MCF2L2: variants seen among roughly 807,000 people sequenced by gnomAD.
MCF2L2 encodes the protein MCF.2 cell line derived transforming sequence-like 2, also known as probable guanine nucleotide exchange factor MCF2L2.
A neutral mutation model predicts 150.2 loss-of-function variants in MCF2L2; 102 were observed. The observed-to-expected ratio is 0.68, with a 90% CI of 0.58 to 0.80. The LOEUF (loss-of-function observed/expected upper bound fraction) is 0.80, where lower values mean the gene tolerates loss of function less well. Among genes scored for constraint, MCF2L2 ranks in the 30% least tolerant of loss-of-function variants. The pLI, the probability that MCF2L2 is intolerant of heterozygous loss-of-function variation, is 0.00. For missense variants in MCF2L2, 1,256 were observed against 1,372.8 expected (o/e 0.91, Z 1.34); for synonymous variants, 465 against 491.3 (o/e 0.95, Z 0.71).
intron 15 of MCF2L2, chr3:183,269,582 G>C (rs769297151): frequency 6.4e-6 from 3 of 465,734 alleles, no homozygotes; most frequent in Non-Finnish European, 1.1e-5. Context: ...GAATTTTGAC[G>C]TGCCAGTGTC....
chr3:183,246,744 T>G (rs1452024863), intron 15 of MCF2L2, among the ~76,000 whole-genome samples: 1 of 152,194 alleles, frequency 6.6e-6, no homozygotes, highest in Admixed American at 6.5e-5. Flanking sequence ...TATTTTTAAC[T>G]TTTTTGAGGA....
intron 27 of MCF2L2, among the ~76,000 whole-genome samples, chr3:183,183,615 A>T (rs1200983687): frequency 6.6e-6 from 1 of 152,226 alleles, no homozygotes; most frequent in Non-Finnish European, 1.5e-5. Flanking sequence ...CAGCTTCCTT[A>T]TCTCTAAAAT....
At chr3:183,190,800 A>ATC (rs1438149664) in intron 27 of MCF2L2, among the ~76,000 whole-genome samples, 3 of 152,244 alleles carry the variant, frequency 2.0e-5, no homozygotes, top group African/African-American at 7.2e-5. Flanking sequence ...CCAACAGCCT[A>ATC]TAAAGAGGGT....
intron 3 of MCF2L2, chr3:183,378,969 TC>T (rs1208573509): frequency 5.0e-6 from 1 of 198,100 alleles, no homozygotes; most frequent in Non-Finnish European, 1.0e-5. Context: ...AGAGCAAGAC[TC>T]CATCTCAAAA....
At chr3:183,249,018 C>G (rs891668917) in intron 15 of MCF2L2, among the ~76,000 whole-genome samples, 7 of 152,146 alleles carry the variant, frequency 4.6e-5, no homozygotes, top group African/African-American at 1.2e-4. Flanking sequence ...TCCCCCTGTA[C>G]CACCCCATCA....
Position 183,270,177 on chromosome 3 carries a change from A to G in MCF2L2, c.1862+6695T>C. On this transcript the variant is annotated intron_variant, in intron 15 of 29. Coordinates refer to ENST00000328913, the MANE Select transcript of MCF2L2 (RefSeq NM_015078.4). The surrounding 1 kb of genome is among the most constrained non-coding windows in gnomAD (Gnocchi z 4.5). ...GTCTCAGCTGAATGCCAACATCAAA[A>G]CTCTGTTTGCCTTAGGAACTCCTAA... 6.2e-7 allele frequency: 1 copy of G among 1,614,108 alleles called. No individual in the cohort carries two copies. The highest frequency in any genetic ancestry group is 8.5e-7 in the Non-Finnish European group (1 of 1,180,018).
At chr3:183,335,647 A>T (rs4859165) in intron 5 of MCF2L2, among the ~76,000 whole-genome samples, 39,292 of 151,660 alleles carry the variant, frequency 0.26, 7,326 homozygotes, top group African/African-American at 0.53. Flanking sequence ...GCAGGAGGAT[A>T]GGTTGAGCCC....
At chr3:183,321,367 G>A (rs1729802470) in intron 6 of MCF2L2, among the ~76,000 whole-genome samples, 1 of 151,470 alleles carries the variant, frequency 6.6e-6, no homozygotes, top group Non-Finnish European at 1.5e-5. Context: ...GAACCCAGGA[G>A]GCTGAGGTTT....
chr3:183,306,087 A>C (rs921558695), intron 10 of MCF2L2, among the ~76,000 whole-genome samples: 2 of 152,248 alleles, frequency 1.3e-5, no homozygotes, highest in Non-Finnish European at 2.9e-5. Context: ...CATATTCAGA[A>C]AGGCTACGAA....
intron 15 of MCF2L2, chr3:183,273,037 CACTT>C (rs778247162): frequency 7.4e-6 from 11 of 1,489,446 alleles, no homozygotes; most frequent in East Asian, 2.7e-5. Flanking sequence ...TCCTTCATCA[CACTT>C]ACTTAAAGTA....
At position 183,283,242 on chromosome 3, in the gene MCF2L2, T is replaced by A. The variant is rs1242892989; in HGVS notation, c.1776+5878A>T. Among the ~76,000 whole-genome samples, 1 of 152,200 alleles carries A rather than the reference T, an allele frequency of 6.6e-6. No homozygotes were observed. The highest frequency in any genetic ancestry group is 2.4e-5 in the African/African-American group (1 of 41,446). ...TATTAGTAAGCTCTCACCACTGATG[T>A]CTCAGCTGACTGTGACAACTGCCAG... On this transcript the variant is annotated intron_variant, in intron 14 of 29. Coordinates refer to ENST00000328913, the MANE Select transcript of MCF2L2 (RefSeq NM_015078.4). This position sits in a 1 kb window ranked among gnomAD's most constrained non-coding sequence, Gnocchi z 4.2.
intron 15 of MCF2L2, chr3:183,269,517 T>G: frequency 5.7e-6 from 2 of 348,710 alleles, no homozygotes; most frequent in Non-Finnish European, 5.2e-6. Context: ...AATATTCACA[T>G]GGGAGAGCCG....
At chr3:183,202,556 G>A (rs1722326420) in intron 25 of MCF2L2, among the ~76,000 whole-genome samples, 1 of 152,222 alleles carries the variant, frequency 6.6e-6, no homozygotes, top group South Asian at 2.1e-4. Context: ...CAGGCTGAGT[G>A]TGAAGGTGTG....
chr3:183,287,935 G>T (rs1187360617), intron 14 of MCF2L2: 1 of 152,190 alleles, frequency 6.6e-6, no homozygotes, highest in Non-Finnish European at 1.5e-5. Flanking sequence ...CATAAATGTT[G>T]CTGAAGTTCA....
chr3:183,294,404 G>T (rs912579072), intron 13 of MCF2L2, among the ~76,000 whole-genome samples: 6 of 151,596 alleles, frequency 4.0e-5, no homozygotes, highest in African/African-American at 1.5e-4. Flanking sequence ...CAGGCTGGAG[G>T]GCAATGGCGC....
intron 12 of MCF2L2, 100 bp downstream of exon 12, chr3:183,296,876 T>C (rs1728534338): frequency 1.5e-6 from 2 of 1,310,382 alleles, no homozygotes; most frequent in South Asian, 1.5e-5. Flanking sequence ...CAATTCAGCC[T>C]GCTCAGTACC....
At chr3:183,418,074 G>A (rs1202844419) in intron 1 of MCF2L2, among the ~76,000 whole-genome samples, 1 of 152,154 alleles carries the variant, frequency 6.6e-6, no homozygotes, top group Non-Finnish European at 1.5e-5. Context: ...TATAGTCCCA[G>A]CTACTTGGGA....
intron 19 of MCF2L2, 116 bp from the exon 20 acceptor site, chr3:183,223,554 G>A (rs1225154821): frequency 8.5e-6 from 6 of 704,860 alleles, no homozygotes; most frequent in Non-Finnish European, 1.5e-5. Flanking sequence ...AGGGGCAGCT[G>A]TGTCGAGCAG....
chr3:183,287,305 GT>G (rs1158714211), intron 14 of MCF2L2, among the ~76,000 whole-genome samples: 1 of 152,152 alleles, frequency 6.6e-6, no homozygotes, highest in African/African-American at 2.4e-5. Flanking sequence ...TCATAAACAT[GT>G]TGTCTGAAGA....
Sources: gnomAD v4.1 joint callset for allele counts (sites outside exome capture counted in the v4.1 genomes callset) on GRCh38, gnomAD v4.1.1 for gene constraint, Gnocchi (gnomAD v3.1) non-coding constraint, MANE v1.5 for transcripts, NCBI Gene and HGNC (gene_info 2026-07-23, HGNC 2026-07-21) for gene names.